The following MCMDC2 variants were observed in gnomAD, a reference collection of about 807,000 sequenced individuals.
MCMDC2 encodes the protein minichromosome maintenance domain-containing protein 2.
In MCMDC2, 54 loss-of-function variants were observed where a neutral mutation model predicts 75.8. That is an observed-to-expected ratio of 0.71 (90% CI 0.57 to 0.89). The LOEUF (loss-of-function observed/expected upper bound fraction) is 0.89, where lower values mean the gene tolerates loss of function less well. MCMDC2 is among the 40% of genes least tolerant of loss of function. The probability of loss-of-function intolerance (pLI) is 0.00; values close to 1 mark genes in which losing one functional copy is unlikely to be tolerated. For synonymous variants in MCMDC2, 249 were observed against 274.6 expected (o/e 0.91, Z 0.92); for missense variants, 656 against 780.4 (o/e 0.84, Z 1.90).
At chr8:66,873,024 TTC>T (rs1811100929) in intron 1 of MCMDC2, among the ~76,000 whole-genome samples, 1 of 151,816 alleles carries the variant, frequency 6.6e-6, no homozygotes. Context: ...TATTTCTGAC[TTC>T]TCTGTCTCTG....
downstream of MCMDC2, chr8:66,925,643 C>A (rs780128153): frequency 6.6e-6 from 1 of 152,318 alleles, no homozygotes; most frequent in Non-Finnish European, 1.5e-5. Context: ...GCTGAGTGCA[C>A]CGGCTCTGGG....
At chr8:66,893,896 G>A (rs1184950209) in intron 10 of MCMDC2, among the ~76,000 whole-genome samples, 1 of 152,162 alleles carries the variant, frequency 6.6e-6, no homozygotes. Flanking sequence ...GGCCCTGCTA[G>A]TATGTCCTCT....
chr8:66,911,839 G>A (rs1388091832), intron 14 of MCMDC2, among the ~76,000 whole-genome samples: 1 of 151,182 alleles, frequency 6.6e-6, no homozygotes, highest in Non-Finnish European at 1.5e-5. Context: ...AAAAAAAAAA[G>A]GATTCCCTTC....
chr8:66,895,580 G>A (rs1031198066), intron 10 of MCMDC2, among the ~76,000 whole-genome samples: 10 of 151,640 alleles, frequency 6.6e-5, no homozygotes, highest in Admixed American at 4.0e-4. Flanking sequence ...CTAATTTTTT[G>A]TAGTAACAGG....
chr8:66,873,769 CCCAG>C (rs1191455778), intron 1 of MCMDC2, among the ~76,000 whole-genome samples: 4 of 152,032 alleles, frequency 2.6e-5, no homozygotes, highest in Non-Finnish European at 4.4e-5. Context: ...CACCTGTAGT[CCCAG>C]CTACTTGGGA....
intron 14 of MCMDC2, among the ~76,000 whole-genome samples, chr8:66,915,603 G>GTA (rs1285363973): frequency 1.4e-4 from 21 of 150,012 alleles, no homozygotes; most frequent in African/African-American, 5.1e-4. Context: ...AAAAGTGTGA[G>GTA]TATATATATA....
In MCMDC2 at chr8:66,890,809, A is replaced by G. The variant is rs575691087; in HGVS notation, c.1074-56A>G. 152 of 1,419,288 alleles carry G rather than the reference A, an allele frequency of 1.1e-4. No homozygotes were observed. The East Asian group carries it at 1.9e-3, about 18-fold the overall frequency. The allele number at this position is 1,419,288 out of a possible 1,614,324, so 87.9% of individuals were successfully genotyped here. A position where few individuals can be genotyped will look rare whatever the true frequency, so the allele number is the denominator to read the frequency against. ...CACAGAATAAAATTAAATTTAATAC[A>G]TTGTGACTTTTGAAAATTAAATAAT... On this transcript the variant is annotated intron_variant, in intron 9 of 14. Coordinates refer to ENST00000422365, the MANE Select transcript of MCMDC2 (RefSeq NM_173518.5).
intron 14 of MCMDC2, among the ~76,000 whole-genome samples, chr8:66,910,203 G>T (rs1239769982): frequency 6.6e-6 from 1 of 152,230 alleles, no homozygotes; most frequent in Non-Finnish European, 1.5e-5. Flanking sequence ...GAGAACCTCT[G>T]CTAGGGCAGT....
chr8:66,902,692 CAAAA>C (rs530805303), intron 13 of MCMDC2, among the ~76,000 whole-genome samples: 148 of 57,206 alleles, frequency 2.6e-3, no homozygotes, highest in African/African-American at 5.4e-3. Context: ...GATTCTGTCT[CAAAA>C]AAAAAAAAAA....
Position 66,896,227 on chromosome 8 carries a change from T to G in MCMDC2, c.1337T>G (p.Ile446Ser). 1 of 1,612,818 alleles carries G rather than the reference T, an allele frequency of 6.2e-7. No homozygotes were observed. The highest frequency in any genetic ancestry group is 1.1e-5 in the South Asian group (1 of 90,662). ...CCAGGAAAGAAGTTTGGGGAGGATA[T>G]TGATCAACAGATGACTTTTCCAGTT... ...YIPGKKFGED[I>S]DQQMTFPVQC... The change falls in exon 11 of 15, where the codon ATT (isoleucine) becomes AGT (serine). Residue 446 changes from isoleucine (I) to serine (S), a missense_variant. By Grantham distance (142) the Ile-to-Ser change is moderately radical (BLOSUM62 -2). Coordinates refer to ENST00000422365, the MANE Select transcript of MCMDC2 (RefSeq NM_173518.5).
intron 14 of MCMDC2, among the ~76,000 whole-genome samples, chr8:66,909,621 G>T (rs986500017): frequency 6.6e-6 from 1 of 152,320 alleles, no homozygotes; most frequent in Admixed American, 6.5e-5. Flanking sequence ...GCGCCGTTTT[G>T]CTTCTGCCCT....
At chr8:66,907,937 GT>G (rs1382682007) in intron 14 of MCMDC2, among the ~76,000 whole-genome samples, 6 of 151,996 alleles carry the variant, frequency 3.9e-5, no homozygotes, top group African/African-American at 1.4e-4. Flanking sequence ...TCTTGTAAAT[GT>G]GTTTAAGTTC....
intron 14 of MCMDC2, among the ~76,000 whole-genome samples, chr8:66,917,667 T>C (rs2130874552): frequency 6.6e-6 from 1 of 152,358 alleles, no homozygotes; most frequent in East Asian, 1.9e-4. Context: ...ACATTTGTCC[T>C]TTCATAACTG....
intron 10 of MCMDC2, among the ~76,000 whole-genome samples, chr8:66,895,418 A>C (rs1253435229): frequency 8.5e-6 from 1 of 118,236 alleles, no homozygotes; most frequent in Admixed American, 9.2e-5. Context: ...TTTTTTTTTG[A>C]AACAGGGTCT....
chr8:66,873,157 C>T (rs1388188137), intron 1 of MCMDC2, among the ~76,000 whole-genome samples: 15 of 152,096 alleles, frequency 9.9e-5, no homozygotes, highest in Non-Finnish European at 2.1e-4. Flanking sequence ...TTAGTATTTG[C>T]TGTCTTTCAA....
chr8:66,912,008 C>T (rs2130865557), intron 14 of MCMDC2, among the ~76,000 whole-genome samples: 1 of 152,298 alleles, frequency 6.6e-6, no homozygotes, highest in South Asian at 2.1e-4. Flanking sequence ...TTTAGAAATA[C>T]ATTTCTTAAG....
downstream of MCMDC2, chr8:66,922,543 T>C (rs749438686): frequency 1.9e-5 from 10 of 518,904 alleles, 1 homozygote; most frequent in South Asian, 1.4e-4. Flanking sequence ...ATTTAAGTCA[T>C]CATTGTGCCA....
intron 9 of MCMDC2, among the ~76,000 whole-genome samples, chr8:66,888,644 T>C (rs1481828639): frequency 2.0e-5 from 3 of 152,226 alleles, no homozygotes; most frequent in Non-Finnish European, 4.4e-5. Context: ...GGTAGTGTTT[T>C]CTTAATTTCA....
chr8:66,898,651 A>G (rs1287885173), intron 12 of MCMDC2, among the ~76,000 whole-genome samples: 1 of 152,016 alleles, frequency 6.6e-6, no homozygotes, highest in African/African-American at 2.4e-5. Context: ...AAAGATACAT[A>G]AAATAGTTAA....
Sources: gnomAD v4.1 joint callset for allele counts (sites outside exome capture counted in the v4.1 genomes callset) on GRCh38, gnomAD v4.1.1 for gene constraint, MANE v1.5 for transcripts, NCBI Gene and HGNC (gene_info 2026-07-23, HGNC 2026-07-21) for gene names.